OLFM2: variants seen among roughly 807,000 people sequenced by gnomAD.
The protein encoded by OLFM2 is noelin-2.
OLFM2 carries 20 observed loss-of-function variants against 43.9 expected under a neutral mutation model. The observed-to-expected ratio is 0.46, with a 90% CI of 0.32 to 0.66. The LOEUF (loss-of-function observed/expected upper bound fraction) is 0.66. Among genes scored for constraint, OLFM2 ranks in the 30% least tolerant of loss-of-function variants. The probability of loss-of-function intolerance (pLI) is 0.04; values close to 1 mark genes in which losing one functional copy is unlikely to be tolerated. For missense variants in OLFM2, 416 were observed against 643.6 expected, an observed-to-expected ratio of 0.65 and a Z score of 3.83; for synonymous variants, 268 against 278.6, an observed-to-expected ratio of 0.96 and a Z score of 0.38.
intron 1 of OLFM2, among the ~76,000 whole-genome samples, chr19:9,881,128 C>T (rs1185182733): frequency 1.3e-5 from 2 of 152,204 alleles, no homozygotes; most frequent in Admixed American, 6.6e-5. Flanking sequence ...AACTCCTGAC[C>T]TCAAGTGATC....
At chr19:9,914,072 C>A (rs1028287495) in intron 1 of OLFM2, among the ~76,000 whole-genome samples, 3 of 151,472 alleles carry the variant, frequency 2.0e-5, no homozygotes, top group African/African-American at 7.3e-5. Context: ...CAGCCCCGCC[C>A]CCCAACGGTA....
At chr19:9,913,211 A>G (rs1385652288) in intron 1 of OLFM2, among the ~76,000 whole-genome samples, 1 of 152,020 alleles carries the variant, frequency 6.6e-6, no homozygotes, top group Non-Finnish European at 1.5e-5. Flanking sequence ...GCGCTCAGAC[A>G]TTGCTCACTA....
chr19:9,886,043 G>A (rs1296974642), intron 1 of OLFM2, among the ~76,000 whole-genome samples: 1 of 151,526 alleles, frequency 6.6e-6, no homozygotes, highest in South Asian at 2.1e-4. Flanking sequence ...GCTGCAGTGA[G>A]CCATGATTGC....
chr19:9,914,989 G>A (rs1045028885), intron 1 of OLFM2, among the ~76,000 whole-genome samples: 1 of 152,038 alleles, frequency 6.6e-6, no homozygotes, highest in Non-Finnish European at 1.5e-5. Flanking sequence ...GGGGGCTAGG[G>A]GTCTCGAACC....
chr19:9,858,542 C>T (rs953707469), intron 2 of OLFM2, among the ~76,000 whole-genome samples: 7 of 152,204 alleles, frequency 4.6e-5, no homozygotes, highest in African/African-American at 9.7e-5. Context: ...GCAGAGGCTG[C>T]GTCTAGCTTG....
chr19:9,878,795 G>C (rs1319689356), intron 1 of OLFM2, among the ~76,000 whole-genome samples: 1 of 152,156 alleles, frequency 6.6e-6, no homozygotes, highest in African/African-American at 2.4e-5. Context: ...TAAGTGCCAC[G>C]ATGCAGGGAA....
At chr19:9,871,659 C>T (rs906221366) in intron 1 of OLFM2, among the ~76,000 whole-genome samples, 1 of 151,970 alleles carries the variant, frequency 6.6e-6, no homozygotes, top group Non-Finnish European at 1.5e-5. Context: ...CATCTGGTTA[C>T]ACAGTCTACA....
intron 1 of OLFM2, among the ~76,000 whole-genome samples, chr19:9,904,404 T>G: frequency 6.6e-6 from 1 of 151,912 alleles, no homozygotes; most frequent in Non-Finnish European, 1.5e-5. Flanking sequence ...TTGGCCAGGC[T>G]AGTCTCGAAC....
At chr19:9,858,459 G>A (rs1411731815) in intron 2 of OLFM2, among the ~76,000 whole-genome samples, 1 of 151,984 alleles carries the variant, frequency 6.6e-6, no homozygotes, top group Non-Finnish European at 1.5e-5. Flanking sequence ...CTCTTGCCTG[G>A]TCATTTCCTT....
chr19:9,883,423 G>T (rs1384898346), intron 1 of OLFM2, among the ~76,000 whole-genome samples: 1 of 151,990 alleles, frequency 6.6e-6, no homozygotes, highest in African/African-American at 2.4e-5. Flanking sequence ...GAGGGGAGGG[G>T]GTAGTGGCGG....
chr19:9,880,864 G>A (rs1028444103), intron 1 of OLFM2, among the ~76,000 whole-genome samples: 10 of 152,110 alleles, frequency 6.6e-5, no homozygotes, highest in Non-Finnish European at 1.2e-4. Context: ...CGCTCTCTCT[G>A]TGGCCTGGGG....
chr19:9,875,669 GTTTTTCTT>G (rs1398056838), intron 1 of OLFM2, among the ~76,000 whole-genome samples: 3 of 149,190 alleles, frequency 2.0e-5, no homozygotes, highest in Non-Finnish European at 3.0e-5. Flanking sequence ...TGTTGTTGTT[GTTTTTCTT>G]TTGTTTTTTG....
chr19:9,935,063 C>G (rs1208983467), intron 1 of OLFM2, among the ~76,000 whole-genome samples: 1 of 152,168 alleles, frequency 6.6e-6, no homozygotes, highest in Non-Finnish European at 1.5e-5. Flanking sequence ...AGTCCCACCT[C>G]TGTCACTCTC....
chr19:9,917,401 C>T (rs2086391078), intron 1 of OLFM2, among the ~76,000 whole-genome samples: 1 of 152,142 alleles, frequency 6.6e-6, no homozygotes. Flanking sequence ...CTGCCCTTCC[C>T]CCAGAAAACT....
intron 1 of OLFM2, among the ~76,000 whole-genome samples, chr19:9,911,499 T>A (rs1199499488): frequency 6.6e-6 from 1 of 151,770 alleles, no homozygotes; most frequent in Non-Finnish European, 1.5e-5. Context: ...ACATACACAC[T>A]TACAGAAAAC....
chr19:9,871,147 T>G (rs2046438661), intron 1 of OLFM2, among the ~76,000 whole-genome samples: 1 of 151,974 alleles, frequency 6.6e-6, no homozygotes, highest in Admixed American at 6.6e-5. Context: ...GGCGAGAGCC[T>G]GTAATCCCCA....
Position 9,857,473 on chromosome 19 carries a change from C to A in OLFM2, c.370G>T (p.Asp124Tyr), listed in dbSNP as rs146271381. The A allele has an allele frequency of 1.4e-5, 22 of 1,613,560 alleles. No individual in the cohort carries two copies. The highest frequency in any genetic ancestry group is 1.9e-5 in the Non-Finnish European group (22 of 1,180,020). ...AGGGGCAACAGTTCCGTCATCCTGT[C>A]CTTCAGCTCCTGTGCATCAAGATGG... ...LSAKSFQELK[D>Y]RMTELLPLSS... The change falls in exon 4 of 6, where the codon GAC (aspartate) becomes TAC (tyrosine). Residue 124 changes from aspartate (D) to tyrosine (Y), a missense_variant. Physicochemically the swap from Asp to Tyr is radical, Grantham distance 160. Transcript: ENST00000264833. The surrounding 1 kb of genome is among the most constrained non-coding windows in gnomAD (Gnocchi z 5.7).
intron 1 of OLFM2, among the ~76,000 whole-genome samples, chr19:9,935,976 T>A (rs1056622079): frequency 6.6e-6 from 1 of 151,442 alleles, no homozygotes; most frequent in Non-Finnish European, 1.5e-5. Context: ...ACCGCCCCCC[T>A]CCAATGCCCC....
At chr19:9,908,767 G>C (rs572056186) in intron 1 of OLFM2, among the ~76,000 whole-genome samples, 1 of 151,962 alleles carries the variant, frequency 6.6e-6, no homozygotes, top group East Asian at 1.9e-4. Context: ...GTGAGCCACC[G>C]GGTTTCACCA....
Sources: gnomAD v4.1 joint callset for allele counts (sites outside exome capture counted in the v4.1 genomes callset) on GRCh38, gnomAD v4.1.1 for gene constraint, Gnocchi (gnomAD v3.1) non-coding constraint, MANE v1.5 for transcripts, NCBI Gene and HGNC (gene_info 2026-07-23, HGNC 2026-07-21) for gene names.